Variants in SSPN observed in about 807,000 individuals in gnomAD.
SSPN encodes the protein sarcospan, also known as K-ras oncogene-associated protein.
A neutral mutation model predicts 19.1 loss-of-function variants in SSPN; 15 were observed. That is an observed-to-expected ratio of 0.78 (90% CI 0.52 to 1.21). SSPN has a LOEUF of 1.21. SSPN is among the 50% of genes most tolerant of loss of function. The pLI is 0.00. For synonymous variants in SSPN, 147 were observed against 140.3 expected (o/e 1.05, Z -0.34); for missense variants, 291 against 314.0 (o/e 0.93, Z 0.55).
chr12:26,195,746 A>T lies in SSPN; in HGVS notation c.74A>T (p.Asp25Val), dbSNP rs1197144453. 1.4e-6 allele frequency: 2 copies of T among 1,447,122 alleles called. No individual in the cohort carries two copies. Among genetic ancestry groups the T allele is most frequent in the Non-Finnish European group, 1.8e-6 (2 of 1,099,534 alleles). 89.6% of individuals were successfully genotyped at this position (1,447,122 alleles called of 1,614,324 possible). A position where few individuals can be genotyped will look rare whatever the true frequency, so the allele number is the denominator to read the frequency against. The part of the protein sequence containing the change: ...GPPAADAAGP[D>V]DMEPKKGTGA... ...CCGGCCGCGGACGCCGCTGGGCCCG[A>T]CGACATGGAGCCGAAGAAGGGCACG... The change falls in exon 1 of 3, where the codon GAC becomes GTC. Residue 25 changes from aspartate to valine, a missense_variant. This residue lies in a region of SSPN where 139 missense variants were observed against 119.6 expected (regional missense o/e 1.16). Transcript: ENST00000242729.
intron 1 of SSPN, among the ~76,000 whole-genome samples, chr12:26,166,931 T>C (rs1307402988): frequency 6.6e-6 from 1 of 152,222 alleles, no homozygotes; most frequent in African/African-American, 2.4e-5. Context: ...TATGGAAGAA[T>C]TAGAAAAACA....
At chr12:26,164,202 C>A (rs1944607186) in intron 1 of SSPN, among the ~76,000 whole-genome samples, 1 of 152,238 alleles carries the variant, frequency 6.6e-6, no homozygotes, top group African/African-American at 2.4e-5. Context: ...TTTCTCAAAG[C>A]ATGCTTCAGA....
intron 1 of SSPN, among the ~76,000 whole-genome samples, chr12:26,185,804 T>G (rs1016579606): frequency 9.9e-5 from 15 of 152,232 alleles, no homozygotes; most frequent in Non-Finnish European, 1.5e-4. Context: ...GTAGAGCGAC[T>G]TTGCCCTGTG....
At chr12:26,190,933 A>T (rs960327050), upstream of SSPN, among the ~76,000 whole-genome samples, 9 of 152,044 alleles carry the variant, frequency 5.9e-5, no homozygotes, top group South Asian at 2.1e-4. Context: ...TCTCATCCCA[A>T]CTCCTCAATC....
At chr12:26,165,670 G>T (rs1944616393) in intron 1 of SSPN, among the ~76,000 whole-genome samples, 1 of 152,148 alleles carries the variant, frequency 6.6e-6, no homozygotes, top group South Asian at 2.1e-4. Flanking sequence ...CTTTTCTCTA[G>T]TCACCATCCA....
intron 1 of SSPN, among the ~76,000 whole-genome samples, chr12:26,214,225 T>G (rs1945022916): frequency 6.6e-6 from 1 of 152,208 alleles, no homozygotes; most frequent in Admixed American, 6.5e-5. Flanking sequence ...CCAGCCTGCA[T>G]GGTCATTTGG....
intron 1 of SSPN, among the ~76,000 whole-genome samples, chr12:26,165,029 G>A (rs1310501822): frequency 6.6e-6 from 1 of 152,112 alleles, no homozygotes; most frequent in African/African-American, 2.4e-5. Context: ...ATATTGTTTG[G>A]TTTATACAAA....
intron 1 of SSPN, among the ~76,000 whole-genome samples, chr12:26,135,987 C>T (rs575687133): frequency 6.6e-6 from 1 of 152,236 alleles, no homozygotes; most frequent in African/African-American, 2.4e-5. Context: ...TATTACAGTC[C>T]ACCCTCCATA....
At chr12:26,186,237 G>C (rs1328501857) in intron 1 of SSPN, among the ~76,000 whole-genome samples, 1 of 151,800 alleles carries the variant, frequency 6.6e-6, no homozygotes, top group Non-Finnish European at 1.5e-5. Flanking sequence ...TAAGTGCTTT[G>C]CAGGTGCTTG....
intron 1 of SSPN, among the ~76,000 whole-genome samples, chr12:26,214,427 A>G (rs548501102): frequency 2.1e-4 from 32 of 152,308 alleles, no homozygotes; most frequent in African/African-American, 7.0e-4. Context: ...ACAGCCATCA[A>G]TTCTGTGATA....
chr12:26,134,118 C>T lies in SSPN; in HGVS notation c.-31+11966C>T, dbSNP rs1237029137. ...TATGACTTAGTTCTTGCCTACATCT[C>T]AGTCTCATCACTCATTTCTCTGCCC... On this transcript the variant is annotated intron_variant, in intron 1 of 2. Transcript: ENST00000538142. Among the ~76,000 whole-genome samples, 5 of 152,200 alleles carry T rather than the reference C, an allele frequency of 3.3e-5. No homozygotes were observed. The East Asian group carries it at 9.6e-4, about 29-fold the overall frequency.
At chr12:26,128,897 C>T (rs1565667414) in intron 1 of SSPN, among the ~76,000 whole-genome samples, 1 of 152,180 alleles carries the variant, frequency 6.6e-6, no homozygotes, top group Non-Finnish European at 1.5e-5. Context: ...GGCCAATTCT[C>T]CCCCCTGCCT....
At chr12:26,151,515 AAAAC>A (rs950439525) in intron 1 of SSPN, among the ~76,000 whole-genome samples, 2 of 152,206 alleles carry the variant, frequency 1.3e-5, no homozygotes, top group Non-Finnish European at 2.9e-5. Flanking sequence ...ATTGCAATGA[AAAAC>A]AAATCATTTA....
intron 1 of SSPN, among the ~76,000 whole-genome samples, chr12:26,210,877 G>A (rs544229837): frequency 6.6e-6 from 1 of 152,158 alleles, no homozygotes; most frequent in African/African-American, 2.4e-5. Context: ...CAACTTGCAA[G>A]TTTCTTATCC....
intron 1 of SSPN, among the ~76,000 whole-genome samples, chr12:26,200,576 T>C (rs568865573): frequency 6.6e-6 from 1 of 152,218 alleles, no homozygotes; most frequent in African/African-American, 2.4e-5. Flanking sequence ...AGCTAAATGG[T>C]TTGATCATGG....
intron 2 of SSPN, among the ~76,000 whole-genome samples, chr12:26,225,882 C>T (rs568605190): frequency 6.6e-6 from 1 of 151,994 alleles, no homozygotes; most frequent in African/African-American, 2.4e-5. Flanking sequence ...ATTTTCCCCC[C>T]AGATGATCCC....
At chr12:26,126,322 A>G (rs1944364308) in intron 1 of SSPN, 1 of 152,208 alleles carries the variant, frequency 6.6e-6, no homozygotes, top group Non-Finnish European at 1.5e-5. Flanking sequence ...TGGAGGCTAT[A>G]TATATATTTC....
chr12:26,228,373 CAAA>C (rs35945808), intron 2 of SSPN, among the ~76,000 whole-genome samples: 5 of 115,608 alleles, frequency 4.3e-5, no homozygotes, highest in Admixed American at 9.3e-5. Context: ...CACTCTGTCT[CAAA>C]AAAAAAAAAA....
intron 1 of SSPN, among the ~76,000 whole-genome samples, chr12:26,162,048 T>C (rs1349624143): frequency 2.0e-5 from 3 of 152,164 alleles, no homozygotes; most frequent in Non-Finnish European, 4.4e-5. Flanking sequence ...GTCCATATTA[T>C]TGAATGAGGA....
Sources: allele counts gnomAD v4.1 joint callset (sites outside exome capture counted in the v4.1 genomes callset), GRCh38; gene constraint gnomAD v4.1.1; regional missense constraint gnomAD v4.1.1; transcripts MANE v1.5; gene names NCBI Gene and HGNC (gene_info 2026-07-23, HGNC 2026-07-21).